FMN1: variants seen among roughly 807,000 people sequenced by gnomAD.
The protein encoded by FMN1 is formin-1.
Under a neutral mutation model 132.4 loss-of-function variants are expected in FMN1, and 110 were observed. The ratio of observed to expected loss-of-function variants is 0.83; its 90% CI spans 0.71 to 0.97. The LOEUF is 0.97. Among genes scored for constraint, FMN1 ranks in the 50% least tolerant of loss-of-function variants. The probability of loss-of-function intolerance (pLI) is 0.00; values close to 1 mark genes in which losing one functional copy is unlikely to be tolerated. For synonymous variants in FMN1, 722 were observed against 651.7 expected (o/e 1.11, Z -1.64); for missense variants, 1,792 against 1,705.3 (o/e 1.05, Z -0.90).
chr15:32,811,878 C>G (rs1344356122), intron 17 of FMN1, among the ~76,000 whole-genome samples: 1 of 152,232 alleles, frequency 6.6e-6, no homozygotes, highest in Admixed American at 6.5e-5. Context: ...AAACTCCTGA[C>G]CTCAAGTGAT....
chr15:32,996,954 C>A (rs2033807860), intron 7 of FMN1, among the ~76,000 whole-genome samples: 1 of 152,236 alleles, frequency 6.6e-6, no homozygotes, highest in Non-Finnish European at 1.5e-5. Flanking sequence ...AACAGCTGAG[C>A]CCCGATGTTC....
intron 16 of FMN1, among the ~76,000 whole-genome samples, chr15:32,861,417 T>C (rs966209426): frequency 6.6e-6 from 1 of 152,164 alleles, no homozygotes; most frequent in Admixed American, 6.5e-5. Context: ...TGAGGCCATA[T>C]CATGGGGGTG....
intron 5 of FMN1, among the ~76,000 whole-genome samples, chr15:33,081,272 C>T (rs755836014): frequency 5.3e-5 from 8 of 152,180 alleles, no homozygotes; most frequent in Non-Finnish European, 7.3e-5. Flanking sequence ...ACGGTTGAAC[C>T]TGCATTTGTA....
chr15:33,002,788 CTG>C (rs757962490), intron 7 of FMN1, among the ~76,000 whole-genome samples: 1 of 152,168 alleles, frequency 6.6e-6, no homozygotes, highest in Non-Finnish European at 1.5e-5. Flanking sequence ...CTTTAAAACA[CTG>C]TGTTTGCCAA....
chr15:32,871,871 C>T (rs932232494), intron 16 of FMN1, among the ~76,000 whole-genome samples: 2 of 152,132 alleles, frequency 1.3e-5, no homozygotes, highest in African/African-American at 4.8e-5. Flanking sequence ...ACGGTCATCA[C>T]ATTGGAAGTG....
chr15:32,774,239 C>T lies in FMN1; in HGVS notation c.*71G>A. ...CACATCTTTCAAGAACGTCCTGCAA[C>T]CCTGTGGTCACAAAGAGTATGCGTG... On this transcript the variant is annotated 3_prime_UTR_variant, in exon 21 of 21. Coordinates refer to ENST00000616417, the MANE Select transcript of FMN1 (RefSeq NM_001277313.2). The T allele has an allele frequency of 8.4e-7, 1 of 1,193,356 alleles. No individual in the cohort carries two copies. The highest frequency in any genetic ancestry group is 1.2e-6 in the Non-Finnish European group (1 of 820,306). 73.9% of individuals were successfully genotyped at this position (1,193,356 alleles called of 1,614,324 possible). A position where few individuals can be genotyped will look rare whatever the true frequency, so the allele number is the denominator to read the frequency against.
At chr15:33,147,674 C>T (rs1286196769) in intron 4 of FMN1, among the ~76,000 whole-genome samples, 1 of 152,096 alleles carries the variant, frequency 6.6e-6, no homozygotes, top group Non-Finnish European at 1.5e-5. Flanking sequence ...ATGGTCCTGG[C>T]CTTTAAATCA....
At chr15:32,987,854 T>C (rs190623722) in intron 7 of FMN1, among the ~76,000 whole-genome samples, 22 of 152,214 alleles carry the variant, frequency 1.4e-4, no homozygotes, top group Middle Eastern at 3.4e-3. Context: ...AGGGGAAACA[T>C]GTCTTTCTGT....
chr15:32,848,978 T>G (rs1029412784), intron 17 of FMN1, among the ~76,000 whole-genome samples: 5 of 15,014 alleles, frequency 3.3e-4, no homozygotes, highest in African/African-American at 1.2e-3. Flanking sequence ...TTCTCTTTTG[T>G]TTTTTTTTTT....
chr15:32,943,101 A>G (rs1177580283), intron 9 of FMN1, among the ~76,000 whole-genome samples: 1 of 152,096 alleles, frequency 6.6e-6, no homozygotes, highest in Non-Finnish European at 1.5e-5. Context: ...CAGGTCTTGG[A>G]TTTTCAGATT....
In FMN1 at chr15:32,998,654, G is replaced by A. The variant is rs56153957; in HGVS notation, c.2223+9360C>T. ...AGTCAAAAGCAATGGCCAACACGCAGAAACTCACCGGTTCCAGCAGTAGCC... is the reference window on the plus strand; with the variant it reads ...AGTCAAAAGCAATGGCCAACACGCAAAAACTCACCGGTTCCAGCAGTAGCC... On this transcript the variant is annotated intron_variant, in intron 7 of 20. Coordinates refer to ENST00000616417, the MANE Select transcript of FMN1 (RefSeq NM_001277313.2). Among the ~76,000 whole-genome samples, 508 of 152,286 alleles carry A rather than the reference G, an allele frequency of 3.3e-3. 4 individuals carry two copies. The highest frequency in any genetic ancestry group is 0.012 in the African/African-American group (480 of 41,546).
At chr15:32,871,150 T>C (rs1451262872) in intron 16 of FMN1, among the ~76,000 whole-genome samples, 1 of 152,178 alleles carries the variant, frequency 6.6e-6, no homozygotes, top group African/African-American at 2.4e-5. Context: ...GAGCAGCGAC[T>C]AACTTCTAAA....
At chr15:32,884,586 A>G (rs1229156175) in intron 16 of FMN1, among the ~76,000 whole-genome samples, 1 of 152,190 alleles carries the variant, frequency 6.6e-6, no homozygotes, top group Non-Finnish European at 1.5e-5. Flanking sequence ...GGGTTTGGAC[A>G]TCCTTGGGGG....
At chr15:32,935,124 T>C (rs920579138) in intron 9 of FMN1, among the ~76,000 whole-genome samples, 2 of 152,110 alleles carry the variant, frequency 1.3e-5, no homozygotes, top group African/African-American at 4.8e-5. Context: ...GGTTTCACCA[T>C]GTTGGGAAGG....
chr15:32,868,138 TG>T (rs1567298235), intron 16 of FMN1, among the ~76,000 whole-genome samples: 2 of 152,198 alleles, frequency 1.3e-5, no homozygotes, highest in African/African-American at 4.8e-5. Context: ...TATAAAACAA[TG>T]GTGCCATAAA....
chr15:33,132,126 C>T (rs1285046890), intron 4 of FMN1, among the ~76,000 whole-genome samples: 1 of 152,094 alleles, frequency 6.6e-6, no homozygotes, highest in East Asian at 1.9e-4. Context: ...CTTTTCCCTC[C>T]TTTCTTTATT....
chr15:32,805,524 T>C (rs1017130632), intron 17 of FMN1, among the ~76,000 whole-genome samples: 1 of 152,240 alleles, frequency 6.6e-6, no homozygotes, highest in African/African-American at 2.4e-5. Flanking sequence ...CATTTATCTA[T>C]TTTGGCTTTT....
At chr15:33,013,429 C>T (rs2034852230) in intron 6 of FMN1, among the ~76,000 whole-genome samples, 2 of 152,040 alleles carry the variant, frequency 1.3e-5, no homozygotes, top group Non-Finnish European at 2.9e-5. Context: ...GAAAGACTAG[C>T]AAGCAATAAT....
intron 6 of FMN1, among the ~76,000 whole-genome samples, chr15:33,042,481 T>C (rs1407309863): frequency 6.6e-6 from 1 of 152,224 alleles, no homozygotes; most frequent in Non-Finnish European, 1.5e-5. Context: ...TGATCAGATA[T>C]TTAAATAACT....
Sources: gnomAD v4.1 joint callset for allele counts (sites outside exome capture counted in the v4.1 genomes callset) on GRCh38, gnomAD v4.1.1 for gene constraint, MANE v1.5 for transcripts, NCBI Gene and HGNC (gene_info 2026-07-23, HGNC 2026-07-21) for gene names.